Variants in IL1RAPL1 observed in about 807,000 individuals in gnomAD.
IL1RAPL1 encodes the protein interleukin-1 receptor accessory protein-like 1.
In IL1RAPL1, 3 loss-of-function variants were observed where a neutral mutation model predicts 48.4. That is an observed-to-expected ratio of 0.06 (90% CI 0.03 to 0.16). The LOEUF (loss-of-function observed/expected upper bound fraction) is 0.16, where lower values mean the gene tolerates loss of function less well. Among genes scored for constraint, IL1RAPL1 ranks in the 10% least tolerant of loss-of-function variants. The probability of loss-of-function intolerance (pLI) is 1.00; values close to 1 mark genes in which losing one functional copy is unlikely to be tolerated. For synonymous variants in IL1RAPL1, 185 were observed against 187.7 expected, an observed-to-expected ratio of 0.99 and a Z score of 0.12; for missense variants, 349 against 530.6, an observed-to-expected ratio of 0.66 and a Z score of 3.36.
chrX:29,181,536 T>C (rs1930143609), intron 2 of IL1RAPL1, among the ~76,000 whole-genome samples: 1 of 112,016 alleles, frequency 8.9e-6, no homozygotes, highest in Admixed American at 9.5e-5. Flanking sequence ...GGGCAAACTT[T>C]AGAAAGAATT....
At chrX:29,292,567 C>T (rs956601249) in intron 3 of IL1RAPL1, among the ~76,000 whole-genome samples, 2 of 111,472 alleles carry the variant, frequency 1.8e-5, no homozygotes, top group Non-Finnish European at 3.8e-5. Flanking sequence ...TATATAATGT[C>T]AGCATTATTT....
chrX:28,735,527 C>G (rs1353319221), intron 1 of IL1RAPL1, among the ~76,000 whole-genome samples: 1 of 110,811 alleles, frequency 9.0e-6, no homozygotes, highest in African/African-American at 3.3e-5. Flanking sequence ...CCTGTAATCC[C>G]AGAGCTTTGG....
chrX:29,948,082 A>G (rs927045762), intron 9 of IL1RAPL1, among the ~76,000 whole-genome samples: 13 of 111,289 alleles, frequency 1.2e-4, no homozygotes, highest in African/African-American at 4.2e-4. Flanking sequence ...GCATTTTGCT[A>G]TATGATGGGG....
chrX:28,687,859 T>C (rs1235460396), intron 1 of IL1RAPL1, among the ~76,000 whole-genome samples: 1 of 110,517 alleles, frequency 9.0e-6, no homozygotes, highest in African/African-American at 3.3e-5. Flanking sequence ...TCCAGCACTT[T>C]GGGAGGCTGA....
intron 5 of IL1RAPL1, among the ~76,000 whole-genome samples, chrX:29,460,904 G>A (rs1569316353): frequency 9.0e-6 from 1 of 111,144 alleles, no homozygotes; most frequent in Admixed American, 9.6e-5. Flanking sequence ...GACACAAAAA[G>A]CATGAACAAG....
intron 1 of IL1RAPL1, among the ~76,000 whole-genome samples, chrX:28,623,497 T>C (rs1173944764): frequency 9.0e-6 from 1 of 111,598 alleles, no homozygotes; most frequent in Non-Finnish European, 1.9e-5. Flanking sequence ...AGATTCAGGC[T>C]GAAGGTGTTG....
chrX:28,720,214 C>T (rs1319796215), intron 1 of IL1RAPL1, among the ~76,000 whole-genome samples: 1 of 110,526 alleles, frequency 9.0e-6, no homozygotes, highest in Non-Finnish European at 1.9e-5. Flanking sequence ...TGAGACAGGC[C>T]AGAATCAAAT....
At chrX:29,726,571 G>A (rs1289697585) in intron 6 of IL1RAPL1, among the ~76,000 whole-genome samples, 1 of 112,401 alleles carries the variant, frequency 8.9e-6, no homozygotes, top group African/African-American at 3.2e-5. Context: ...TGTAAATGCT[G>A]CTGTACAAAG....
At chrX:28,984,156 A>G (rs1246499684) in intron 2 of IL1RAPL1, among the ~76,000 whole-genome samples, 3 of 112,159 alleles carry the variant, frequency 2.7e-5, no homozygotes, top group African/African-American at 9.7e-5. Context: ...AACTAGCTAC[A>G]TGTGGCCATT....
intron 1 of IL1RAPL1, among the ~76,000 whole-genome samples, chrX:28,663,729 G>C (rs1238977702): frequency 9.4e-6 from 1 of 106,093 alleles, no homozygotes; most frequent in Admixed American, 1.0e-4. Context: ...CGATCTATTG[G>C]CCCCATATAC....
intron 1 of IL1RAPL1, among the ~76,000 whole-genome samples, chrX:28,771,954 A>G (rs778167039): frequency 7.3e-5 from 8 of 108,962 alleles, no homozygotes; most frequent in South Asian, 7.7e-4. Flanking sequence ...AAAAAAAAAA[A>G]AAAAAGAAAA....
intron 2 of IL1RAPL1, among the ~76,000 whole-genome samples, chrX:29,244,771 G>T (rs760300758): frequency 8.9e-6 from 1 of 111,876 alleles, no homozygotes; most frequent in East Asian, 2.8e-4. Context: ...AATTACTGAG[G>T]TTCCTCAAAC....
intron 2 of IL1RAPL1, among the ~76,000 whole-genome samples, chrX:29,136,951 G>C (rs1429718600): frequency 9.0e-6 from 1 of 111,433 alleles, no homozygotes; most frequent in Non-Finnish European, 1.9e-5. Context: ...TTTTGTGTGA[G>C]AACTGACTCT....
chrX:29,091,472 C>CAATT (rs1928090316), intron 2 of IL1RAPL1, among the ~76,000 whole-genome samples: 1 of 112,079 alleles, frequency 8.9e-6, no homozygotes, highest in Non-Finnish European at 1.9e-5. Flanking sequence ...TGAGCCAAAT[C>CAATT]AATTCTACTT....
At chrX:28,792,504 C>T (rs932256440) in intron 2 of IL1RAPL1, among the ~76,000 whole-genome samples, 11 of 101,689 alleles carry the variant, frequency 1.1e-4, no homozygotes, top group Admixed American at 3.4e-4. Flanking sequence ...TATAATAAGG[C>T]AGGCCGGGCG....
intron 2 of IL1RAPL1, among the ~76,000 whole-genome samples, chrX:28,802,632 T>C (rs1057316266): frequency 6.2e-5 from 7 of 112,407 alleles, no homozygotes; most frequent in Non-Finnish European, 1.3e-4. Context: ...ATTCCAAATA[T>C]TATGTTGTAA....
Position 29,955,654 on chromosome X carries a change from C to G in IL1RAPL1, c.1925C>G (p.Ser642Cys), listed in dbSNP as rs779692107. 2.5e-6 allele frequency: 3 copies of G among 1,209,385 alleles called. No homozygotes were observed. The South Asian group carries it at 5.3e-5, about 21-fold the overall frequency. Reference sequence around the variant, plus strand: ...CCTACCGGCACCCTGCCTCTTACCTCCATAGGCAATCAGCATACCTACTGT... The same window carrying G: ...CCTACCGGCACCCTGCCTCTTACCTGCATAGGCAATCAGCATACCTACTGT... ...VPPTGTLPLT[S>C]IGNQHTYCNI... is the part of the protein sequence containing the mutation. The change falls in exon 11 of 11, where the codon TCC (serine) becomes TGC (cysteine). Residue 642 changes from serine to cysteine, a missense_variant. By Grantham distance (112) the Ser-to-Cys change is moderately radical (BLOSUM62 -1). Around this residue, in one of 3 missense-constraint regions of IL1RAPL1, gnomAD observed 65 missense variants for 79.6 expected, o/e 0.82. Transcript: ENST00000378993.
At chrX:28,922,454 A>C (rs777497286) in intron 2 of IL1RAPL1, among the ~76,000 whole-genome samples, 64 of 112,362 alleles carry the variant, frequency 5.7e-4, no homozygotes, top group African/African-American at 1.9e-3. Flanking sequence ...GCAAGGACTC[A>C]CATAAAGTCT....
chrX:28,770,096 C>T (rs1463026330), intron 1 of IL1RAPL1, among the ~76,000 whole-genome samples: 1 of 111,928 alleles, frequency 8.9e-6, no homozygotes, highest in East Asian at 2.8e-4. Flanking sequence ...GGACTGTTTT[C>T]ACCAAACGGT....
Sources: gnomAD v4.1 joint callset for allele counts (sites outside exome capture counted in the v4.1 genomes callset) on GRCh38, gnomAD v4.1.1 for gene constraint, gnomAD v4.1.1 regional missense constraint, MANE v1.5 for transcripts, NCBI Gene and HGNC (gene_info 2026-07-23, HGNC 2026-07-21) for gene names.